Variants in ZFYVE1 observed in about 807,000 individuals in gnomAD.
ZFYVE1 encodes the protein zinc finger FYVE-type containing 1, also known as zinc finger FYVE domain-containing protein 1.
A neutral mutation model predicts 74.4 loss-of-function variants in ZFYVE1; 30 were observed. That is an observed-to-expected ratio of 0.40 (90% CI 0.30 to 0.55). ZFYVE1 has a LOEUF of 0.55. ZFYVE1 is among the 20% of genes least tolerant of loss of function. The pLI is 0.42. For synonymous variants in ZFYVE1, 335 were observed against 385.1 expected (o/e 0.87, Z 1.52); for missense variants, 703 against 1,011.6 (o/e 0.69, Z 4.14).
At chr14:73,026,566 T>C (rs1894465631) in intron 1 of ZFYVE1, among the ~76,000 whole-genome samples, 1 of 151,738 alleles carries the variant, frequency 6.6e-6, no homozygotes, top group Non-Finnish European at 1.5e-5. Flanking sequence ...AAATATAAAA[T>C]CAACCTTCAA....
At chr14:72,976,646 G>A (rs1893177859) in intron 8 of ZFYVE1, among the ~76,000 whole-genome samples, 2 of 151,980 alleles carry the variant, frequency 1.3e-5, no homozygotes, top group African/African-American at 4.8e-5. Flanking sequence ...AGCTGGGTGT[G>A]GTAGCACGCG....
rs1402339830 is a variant in ZFYVE1, at chr14:72,970,727, G to A, written c.*155C>T. Reference sequence around the variant, plus strand: ...AGGGGTCCACACCTTCGGGCCTGCCGCCAGGCTCACCCCCACTGAGGGAAA... The same window carrying A: ...AGGGGTCCACACCTTCGGGCCTGCCACCAGGCTCACCCCCACTGAGGGAAA... On this transcript the variant is annotated 3_prime_UTR_variant, in exon 12 of 12. Transcript: ENST00000556143. 107 of 843,894 alleles carry A rather than the reference G, an allele frequency of 1.3e-4. No individual in the cohort carries two copies. The highest frequency in any genetic ancestry group is 1.7e-4 in the Non-Finnish European group (91 of 547,426). 52.3% of individuals were successfully genotyped at this position (843,894 alleles called of 1,614,324 possible). A position where few individuals can be genotyped will look rare whatever the true frequency, so the allele number is the denominator to read the frequency against.
In ZFYVE1 at chr14:72,970,674, G is replaced by A; in HGVS notation, c.*208C>T. On this transcript the variant is annotated 3_prime_UTR_variant, in exon 12 of 12. Coordinates refer to ENST00000556143, the MANE Select transcript of ZFYVE1 (RefSeq NM_021260.4). ...AACGGATTCAGGTTCATTCCCCTTT[G>A]CGATAAGTTGCAAGGTCCCCTGCCC... 1 of 597,866 alleles carries A rather than the reference G, an allele frequency of 1.7e-6. No individual in the cohort carries two copies. Among genetic ancestry groups the A allele is most frequent in the Non-Finnish European group, 3.0e-6 (1 of 334,492 alleles). 37.0% of individuals were successfully genotyped at this position (597,866 alleles called of 1,614,324 possible). A position where few individuals can be genotyped will look rare whatever the true frequency, so the allele number is the denominator to read the frequency against.
Position 72,993,247 on chromosome 14 carries a change from G to C in ZFYVE1, c.1099C>G (p.Pro367Ala), listed in dbSNP as rs745548861. The C allele has an allele frequency of 1.2e-6, 2 of 1,613,884 alleles. No individual in the cohort carries two copies. The highest frequency in any genetic ancestry group is 2.2e-5 in the South Asian group (2 of 91,068). ...IHYKGTRTYNPPTDFSGLRRA... is the reference protein window; with the variant it reads ...IHYKGTRTYNAPTDFSGLRRA... The stretch of plus-strand genomic sequence containing the variant: ...CGAAGCCCAGAAAAGTCCGTGGGAG[G>C]GTTGTAAGTCCTCGTTCCCTTGTAG... Residue 367 changes from proline to alanine, a missense_variant, in exon 4 of 12, where the codon CCT (proline) becomes GCT (alanine). Coordinates refer to ENST00000556143, the MANE Select transcript of ZFYVE1 (RefSeq NM_021260.4).
chr14:73,004,448 C>T (rs1893935440), intron 2 of ZFYVE1, among the ~76,000 whole-genome samples: 1 of 150,850 alleles, frequency 6.6e-6, no homozygotes, highest in Non-Finnish European at 1.5e-5. Context: ...TAAGTGTCCA[C>T]CAAATGATGT....
chr14:72,986,563 C>CTTTTT lies in ZFYVE1; in HGVS notation c.1204-4673_1204-4669dup, dbSNP rs751115992. ...TCTTTTAGAATCTAATCAGCTTTTC[C>CTTTTT]TTTTTTTTTTTTTTTTGAGACAGAG... On this transcript the variant is annotated intron_variant, in intron 4 of 11. Coordinates refer to ENST00000556143, the MANE Select transcript of ZFYVE1 (RefSeq NM_021260.4). Among the ~76,000 whole-genome samples, 10 of 136,802 alleles carry CTTTTT rather than the reference C, an allele frequency of 7.3e-5. 1 individual carries two copies. Among genetic ancestry groups the CTTTTT allele is most frequent in the Non-Finnish European group, 1.3e-4 (8 of 63,216 alleles). 89.7% of individuals were successfully genotyped at this position (136,802 alleles called of 152,430 possible). A position where few individuals can be genotyped will look rare whatever the true frequency, so the allele number is the denominator to read the frequency against.
chr14:72,979,392 C>T (rs1166622451), intron 5 of ZFYVE1, among the ~76,000 whole-genome samples: 1 of 151,968 alleles, frequency 6.6e-6, no homozygotes, highest in Non-Finnish European at 1.5e-5. Flanking sequence ...CCCAGGTACT[C>T]GGGAGGCTGA....
rs531847872 is a variant in ZFYVE1, at chr14:72,983,825, A to G, written c.1204-1930T>C. On this transcript the variant is annotated intron_variant, in intron 4 of 11. Transcript: ENST00000556143. ...CCACCAACAGTGTAAAAGTGTTCCTATTTCTCCACATCCTCTCCAGTATCT... is the reference window on the plus strand; with the variant it reads ...CCACCAACAGTGTAAAAGTGTTCCTGTTTCTCCACATCCTCTCCAGTATCT... Among the ~76,000 whole-genome samples, 4 of 152,250 alleles carry G rather than the reference A, an allele frequency of 2.6e-5. No homozygotes were observed. The East Asian group carries it at 7.7e-4, about 29-fold the overall frequency.
intron 11 of ZFYVE1, among the ~76,000 whole-genome samples, chr14:72,971,572 C>T (rs1269764328): frequency 6.6e-6 from 1 of 152,116 alleles, no homozygotes; most frequent in Non-Finnish European, 1.5e-5. Context: ...AAGTGATCTG[C>T]CCACCTCGGC....
intron 4 of ZFYVE1, among the ~76,000 whole-genome samples, chr14:72,991,856 T>G (rs1893620048): frequency 6.6e-6 from 1 of 152,110 alleles, no homozygotes; most frequent in South Asian, 2.1e-4. Flanking sequence ...GTACTTTGTC[T>G]CTTAAGTATG....
chr14:72,973,010 T>G (rs1893075084), intron 11 of ZFYVE1, among the ~76,000 whole-genome samples: 1 of 151,932 alleles, frequency 6.6e-6, no homozygotes, highest in Non-Finnish European at 1.5e-5. Flanking sequence ...CGGCCAGCTA[T>G]TTTAAATCTT....
intron 2 of ZFYVE1, among the ~76,000 whole-genome samples, chr14:73,013,872 G>C (rs758471422): frequency 1.3e-5 from 2 of 152,074 alleles, no homozygotes; most frequent in South Asian, 2.1e-4. Flanking sequence ...AGCTCCTCCC[G>C]AAGTAGGGAA....
chr14:72,996,140 A>C (rs983936308), intron 3 of ZFYVE1, among the ~76,000 whole-genome samples: 19 of 152,158 alleles, frequency 1.2e-4, no homozygotes, highest in Middle Eastern at 3.4e-3. Flanking sequence ...TTCAGTGGGC[A>C]GGGGGAGAAT....
intron 4 of ZFYVE1, among the ~76,000 whole-genome samples, 166 bp from the exon 5 acceptor site, chr14:72,982,061 G>A (rs1893347738): frequency 6.6e-6 from 1 of 152,102 alleles, no homozygotes; most frequent in Non-Finnish European, 1.5e-5. Flanking sequence ...CCTTACCATG[G>A]GAAACCTTGG....
intron 4 of ZFYVE1, among the ~76,000 whole-genome samples, chr14:72,987,649 C>A (rs978033737): frequency 6.6e-6 from 1 of 152,214 alleles, no homozygotes; most frequent in African/African-American, 2.4e-5. Flanking sequence ...GTACAGACAA[C>A]CATAGTTAAC....
intron 5 of ZFYVE1, among the ~76,000 whole-genome samples, chr14:72,979,551 G>A (rs889375969): frequency 1.3e-5 from 2 of 151,900 alleles, no homozygotes. Flanking sequence ...CTACTCAGGA[G>A]GCTGAGGCAG....
At chr14:73,023,965 C>A in intron 2 of ZFYVE1, 61 bp downstream of exon 2, 1 of 1,555,342 alleles carries the variant, frequency 6.4e-7, no homozygotes, top group Non-Finnish European at 8.7e-7. Context: ...TTTTTGAGAG[C>A]TGGCTTCCAA....
rs1318547878 is a variant in ZFYVE1, at chr14:73,024,533, C to T, written c.-25G>A. ...TACTCACGCTGGTAAGGAAACACACCCACCATATAATAGTCACTGAGCTTG... is the reference window on the plus strand; with the variant it reads ...TACTCACGCTGGTAAGGAAACACACTCACCATATAATAGTCACTGAGCTTG... On this transcript the variant is annotated 5_prime_UTR_variant, in exon 2 of 12. Coordinates refer to ENST00000556143, the MANE Select transcript of ZFYVE1 (RefSeq NM_021260.4). 4.5e-6 allele frequency: 7 copies of T among 1,569,870 alleles called. No homozygotes were observed. The African/African-American group carries it at 8.1e-5, about 18-fold the overall frequency.
chr14:72,981,691 C>A, intron 5 of ZFYVE1, 98 bp downstream of exon 5: 2 of 1,121,824 alleles, frequency 1.8e-6, no homozygotes, highest in South Asian at 2.5e-5. Context: ...TTAGCAAGAT[C>A]CCAGGGGATC....
Sources: gnomAD v4.1 joint callset for allele counts (sites outside exome capture counted in the v4.1 genomes callset) on GRCh38, gnomAD v4.1.1 for gene constraint, MANE v1.5 for transcripts, NCBI Gene and HGNC (gene_info 2026-07-23, HGNC 2026-07-21) for gene names.